The following SEC61A2 variants were observed in gnomAD, a reference collection of about 807,000 sequenced individuals.
The protein encoded by SEC61A2 is protein transport protein Sec61 subunit alpha isoform 2.
SEC61A2 carries 28 observed loss-of-function variants against 59.9 expected under a neutral mutation model. That is an observed-to-expected ratio of 0.47 (90% CI 0.35 to 0.64). The LOEUF (loss-of-function observed/expected upper bound fraction) is 0.64, where lower values mean the gene tolerates loss of function less well. SEC61A2 is among the 30% of genes least tolerant of loss of function. The pLI, the probability that SEC61A2 is intolerant of heterozygous loss-of-function variation, is 0.01. For missense variants in SEC61A2, 340 were observed against 585.9 expected (o/e 0.58, Z 4.33); for synonymous variants, 202 against 214.4 (o/e 0.94, Z 0.50).
chr10:12,167,710 T>A (rs1174999497), downstream of SEC61A2: 8 of 1,613,976 alleles, frequency 5.0e-6, no homozygotes, highest in African/African-American at 1.3e-5. Context: ...GCTTAAAATT[T>A]CAAGAAGGGC....
intron 1 of SEC61A2, among the ~76,000 whole-genome samples, chr10:12,132,595 C>T (rs561879206): frequency 3.5e-4 from 49 of 140,796 alleles, no homozygotes; most frequent in Non-Finnish European, 6.2e-4. Flanking sequence ...GCCTGGGCAA[C>T]ACAGCGAGAC....
chr10:12,131,872 T>G (rs73579279), intron 1 of SEC61A2, among the ~76,000 whole-genome samples: 38,463 of 38,464 alleles, frequency 1, 19,231 homozygotes, highest in Middle Eastern at 1. Flanking sequence ...TTTTTTTGTA[T>G]TTTTAGTAGA....
At chr10:12,148,865 A>AT (rs113841830) in intron 4 of SEC61A2, among the ~76,000 whole-genome samples, 72 of 152,070 alleles carry the variant, frequency 4.7e-4, no homozygotes, top group African/African-American at 1.6e-3. Context: ...ACATGTTTTT[A>AT]TTTTTTACTA....
chr10:12,157,502 A>ATTTT (rs35428328), intron 8 of SEC61A2, among the ~76,000 whole-genome samples: 4 of 111,070 alleles, frequency 3.6e-5, no homozygotes, highest in East Asian at 2.5e-4. Flanking sequence ...CGCCCGGCTA[A>ATTTT]TTTTTTTTTT....
Position 12,160,948 on chromosome 10 carries a change from C to T in SEC61A2, c.994C>T (p.Pro332Ser). 6.2e-7 allele frequency: 1 copy of T among 1,613,234 alleles called. No homozygotes were observed. Among genetic ancestry groups the T allele is most frequent in the South Asian group, 1.1e-5 (1 of 90,892 alleles). Reference sequence around the variant, plus strand: ...TCTGTAGGATGTCAGTGGGGGAGGACCCGCACGTTCTTACCCAGTTGGAGG... The same window carrying T: ...TCTGTAGGATGTCAGTGGGGGAGGATCCGCACGTTCTTACCCAGTTGGAGG... ...GQWADVSGGG[P>S]ARSYPVGGLC... The change falls in exon 10 of 12, where the codon CCC becomes TCC. Residue 332 changes from proline (P) to serine (S), a missense_variant. By Grantham distance (74) the Pro-to-Ser change is moderately conservative. Transcript: ENST00000298428. The surrounding 1 kb of genome is among the most constrained non-coding windows in gnomAD (Gnocchi z 4.1).
intron 3 of SEC61A2, among the ~76,000 whole-genome samples, chr10:12,140,148 T>A (rs1439904857): frequency 1.3e-5 from 2 of 152,136 alleles, no homozygotes; most frequent in East Asian, 1.9e-4. Flanking sequence ...TATGTTCCAG[T>A]GAGAGGTTTC....
At chr10:12,135,529 G>A (rs1833864243) in intron 2 of SEC61A2, among the ~76,000 whole-genome samples, 1 of 152,160 alleles carries the variant, frequency 6.6e-6, no homozygotes, top group South Asian at 2.1e-4. Flanking sequence ...ATGTAGTGGT[G>A]AAGTCTGGGC....
rs1834116587 is a variant in SEC61A2, at chr10:12,145,425, ACT to A, written c.220+2234_220+2235del. 6.6e-6 allele frequency among the ~76,000 whole-genome samples: 1 copy of A among 152,010 alleles called. No homozygotes were observed. On this transcript the variant is annotated intron_variant, in intron 4 of 11. Transcript: ENST00000298428. This position sits in a 1 kb window ranked among gnomAD's most constrained non-coding sequence, Gnocchi z 4.4. ...TTCCAAAACAGTTGTTTGATTTTACACTCTCAGCGACAGTATATGAGAATGAC... is the reference window on the plus strand; with the variant it reads ...TTCCAAAACAGTTGTTTGATTTTACACTCAGCGACAGTATATGAGAATGAC...
rs887095079 is a variant in SEC61A2 at position 12,154,444 on chromosome 10, T to C, written c.463-1334T>C. 3.3e-5 allele frequency among the ~76,000 whole-genome samples: 5 copies of C among 152,196 alleles called. No individual in the cohort carries two copies. The highest frequency in any genetic ancestry group is 7.4e-5 in the Non-Finnish European group (5 of 68,014). On this transcript the variant is annotated intron_variant, in intron 6 of 11. Coordinates refer to ENST00000298428, the MANE Select transcript of SEC61A2 (RefSeq NM_018144.4). This position sits in a 1 kb window ranked among gnomAD's most constrained non-coding sequence, Gnocchi z 5.2. Reference sequence around the variant, plus strand: ...CCATCACGATGCTTTCTGTGGCTGATGTTCATGGACGGCTGTTGCCTCCTG... The same window carrying C: ...CCATCACGATGCTTTCTGTGGCTGACGTTCATGGACGGCTGTTGCCTCCTG...
chr10:12,155,673 C>T lies in SEC61A2; in HGVS notation c.463-105C>T. ...CACAGTGAGATTGCAACGATCAGGC[C>T]TTAATATTCAAAACGCCCCTAGCTT... On this transcript the variant is annotated intron_variant, in intron 6 of 11. Coordinates refer to ENST00000298428, the MANE Select transcript of SEC61A2 (RefSeq NM_018144.4). The surrounding 1 kb of genome is among the most constrained non-coding windows in gnomAD (Gnocchi z 4.3). 1.5e-6 allele frequency: 2 copies of T among 1,330,138 alleles called. No individual in the cohort carries two copies. The highest frequency in any genetic ancestry group is 1.1e-6 in the Non-Finnish European group (1 of 940,444). The allele number at this position is 1,330,138 out of a possible 1,614,324, so 82.4% of individuals were successfully genotyped here. A position where few individuals can be genotyped will look rare whatever the true frequency, so the allele number is the denominator to read the frequency against.
downstream of SEC61A2, chr10:12,166,694 G>A (rs763106812): frequency 2.4e-5 from 12 of 504,932 alleles, no homozygotes; most frequent in Admixed American, 1.3e-4. Context: ...TGAGAATTCC[G>A]TGGGGGCCAG....
At position 12,156,012 on chromosome 10, in the gene SEC61A2, C is replaced by A; in HGVS notation, c.616+81C>A. On this transcript the variant is annotated intron_variant, in intron 7 of 11. Transcript: ENST00000298428. The surrounding 1 kb of genome is among the most constrained non-coding windows in gnomAD (Gnocchi z 5.2). ...AAACCCATCGTGTCGCAGTACATGC[C>A]TAGAGCCGTTCTGGTTTGCTCTCCT... 1 of 1,481,672 alleles carries A rather than the reference C, an allele frequency of 6.7e-7. No homozygotes were observed. Among genetic ancestry groups the A allele is most frequent in the South Asian group, 1.2e-5 (1 of 85,544 alleles). The allele number at this position is 1,481,672 out of a possible 1,614,324, so 91.8% of individuals were successfully genotyped here.
intron 3 of SEC61A2, among the ~76,000 whole-genome samples, chr10:12,140,660 A>C (rs550152377): frequency 1.3e-5 from 2 of 152,258 alleles, no homozygotes; most frequent in East Asian, 3.9e-4. Context: ...CAGTGGCATG[A>C]TCTCAGCTCA....
chr10:12,148,086 G>A (rs556931634), intron 4 of SEC61A2, among the ~76,000 whole-genome samples: 29 of 150,682 alleles, frequency 1.9e-4, no homozygotes, highest in African/African-American at 5.9e-4. Flanking sequence ...GACTACAGGC[G>A]CCCACCACCA....
At chr10:12,137,300 G>T (rs1833911678) in intron 3 of SEC61A2, among the ~76,000 whole-genome samples, 1 of 152,110 alleles carries the variant, frequency 6.6e-6, no homozygotes, top group South Asian at 2.1e-4. Context: ...AAAATTTGAT[G>T]ATAGTGTTTT....
intron 1 of SEC61A2, among the ~76,000 whole-genome samples, chr10:12,130,325 A>G (rs1833703127): frequency 6.6e-6 from 1 of 152,126 alleles, no homozygotes; most frequent in African/African-American, 2.4e-5. Context: ...AGCCTTAGGG[A>G]CAAGGCCTTA....
rs1833690330 is a variant in SEC61A2, at chr10:12,129,918, C to T, written c.7+124C>T. 2.2e-6 allele frequency: 2 copies of T among 909,956 alleles called. No homozygotes were observed. The highest frequency in any genetic ancestry group is 3.0e-6 in the Non-Finnish European group (2 of 677,722). The allele number at this position is 909,956 out of a possible 1,614,324, so 56.4% of individuals were successfully genotyped here. On this transcript the variant is annotated intron_variant, in intron 1 of 11. Coordinates refer to ENST00000298428, the MANE Select transcript of SEC61A2 (RefSeq NM_018144.4). The surrounding 1 kb of genome is among the most constrained non-coding windows in gnomAD (Gnocchi z 5.6). ...CAGGGATGCGCGGGCCGCTCCGGGCCTCAGCGGAGGGCACGGGCCGGGGGC... is the reference window on the plus strand; with the variant it reads ...CAGGGATGCGCGGGCCGCTCCGGGCTTCAGCGGAGGGCACGGGCCGGGGGC...
chr10:12,153,649 G>A lies in SEC61A2; in HGVS notation c.463-2129G>A. On this transcript the variant is annotated intron_variant, in intron 6 of 11. Coordinates refer to ENST00000298428, the MANE Select transcript of SEC61A2 (RefSeq NM_018144.4). This position sits in a 1 kb window ranked among gnomAD's most constrained non-coding sequence, Gnocchi z 5.2. Reference sequence around the variant, plus strand: ...TGAATTCTGATACACAAATATGCGTGTTATGGCTAATTCTTCTAATGTTAA... The same window carrying A: ...TGAATTCTGATACACAAATATGCGTATTATGGCTAATTCTTCTAATGTTAA... 3 of 1,416,130 alleles carry A rather than the reference G, an allele frequency of 2.1e-6. No homozygotes were observed. The highest frequency in any genetic ancestry group is 2.9e-6 in the Non-Finnish European group (3 of 1,036,644). 87.7% of individuals were successfully genotyped at this position (1,416,130 alleles called of 1,614,324 possible).
At chr10:12,150,056 T>C (rs1014699291) in intron 6 of SEC61A2, 95 bp downstream of exon 6, 2 of 824,448 alleles carry the variant, frequency 2.4e-6, no homozygotes, top group Admixed American at 5.3e-5. Context: ...TTATTCATTT[T>C]CTTACTTTTG....
Sources: gnomAD v4.1 joint callset for allele counts (sites outside exome capture counted in the v4.1 genomes callset) on GRCh38, gnomAD v4.1.1 for gene constraint, Gnocchi (gnomAD v3.1) non-coding constraint, MANE v1.5 for transcripts, NCBI Gene and HGNC (gene_info 2026-07-23, HGNC 2026-07-21) for gene names.